Variants in SEC16A observed in about 807,000 individuals in gnomAD.
SEC16A encodes protein transport protein Sec16A.
SEC16A carries 110 observed loss-of-function variants against 221.9 expected under a neutral mutation model. That is an observed-to-expected ratio of 0.50 (90% CI 0.42 to 0.58). SEC16A has a LOEUF of 0.58. Ranked by LOEUF, SEC16A falls within the 20% of genes least tolerant of loss-of-function variation. SEC16A has a pLI of 0.00. For missense variants in SEC16A, 3,165 were observed against 3,097.8 expected, an observed-to-expected ratio of 1.02 and a Z score of -0.52; for synonymous variants, 1,393 against 1,257.7, an observed-to-expected ratio of 1.11 and a Z score of -2.28.
Position 136,442,446 on chromosome 9 carries a change from C to CA in SEC16A, c.7006-624dup, listed in dbSNP as rs1471278127. On this transcript the variant is annotated intron_variant, in intron 31 of 31. Coordinates refer to ENST00000684901, the MANE Select transcript of SEC16A (RefSeq NM_014866.2). ...GGCCCCAGCCCAGGAAGCCTGCAGT[C>CA]AAGAGTGTGTGAGGCTGTGAGGGCA... Among the ~76,000 whole-genome samples the CA allele has an allele frequency of 1.3e-5, 2 of 152,168 alleles. 1 individual carries two copies. The highest frequency in any genetic ancestry group is 4.8e-5 in the African/African-American group (2 of 41,436).
Position 136,474,737 on chromosome 9 carries a change from C to A in SEC16A, c.2879G>T (p.Gly960Val). ...ALPGFANSPA[G>V]STSVVLVPPA... ...TGGAACTAACACCACACTTGTGCTT[C>A]CAGCAGGGCTATTAGCAAATCCGGG... Residue 960 changes from glycine (G) to valine (V), a missense_variant, in exon 3 of 32, where the codon GGA (glycine) becomes GTA (valine). Gly to Val is a moderately radical substitution (Grantham distance 109). Coordinates refer to ENST00000684901, the MANE Select transcript of SEC16A (RefSeq NM_014866.2). 19 of 1,613,918 alleles carry A rather than the reference C, an allele frequency of 1.2e-5. No homozygotes were observed. Among genetic ancestry groups the A allele is most frequent in the Non-Finnish European group, 1.5e-5 (18 of 1,179,890 alleles).
In SEC16A at chr9:136,476,179, G is replaced by A; in HGVS notation, c.1437C>T (p.Asp479=). ...TGAACTGGTCACTCGGGGAGGAAGG[G>A]TCCAAATTGAGGGGCTCACTTGGCA... The part of the protein sequence containing the change: ...EVLPSEPLNL[D]PSSPSDQFRY... Residue 479 remains aspartate, a synonymous_variant, in exon 3 of 32, where the codon GAC becomes GAT. Coordinates refer to ENST00000684901, the MANE Select transcript of SEC16A (RefSeq NM_014866.2). The A allele has an allele frequency of 6.2e-7, 1 of 1,613,862 alleles. No individual in the cohort carries two copies.
At position 136,477,297 on chromosome 9, in the gene SEC16A, A is replaced by G. The variant is rs758794202; in HGVS notation, c.319T>C (p.Cys107Arg). The G allele has an allele frequency of 4.3e-6, 7 of 1,613,662 alleles. No homozygotes were observed. The African/African-American group carries it at 9.3e-5, about 22-fold the overall frequency. The part of the protein sequence containing the change: ...THARDSSQGP[C>R]EPLPGPLTQP... Reference sequence around the variant, plus strand: ...GTCAGAGGTCCAGGCAGGGGCTCACAGGGTCCCTGAGAGCTATCTCTGGCA... The same window carrying G: ...GTCAGAGGTCCAGGCAGGGGCTCACGGGGTCCCTGAGAGCTATCTCTGGCA... Residue 107 changes from cysteine (C) to arginine (R), a missense_variant, in exon 3 of 32, where the codon TGT (cysteine) becomes CGT (arginine). By Grantham distance (180) the Cys-to-Arg change is radical (BLOSUM62 -3). This residue lies in a region of SEC16A where 2,030 missense variants were observed against 1,923.1 expected (regional missense o/e 1.06). Coordinates refer to ENST00000684901, the MANE Select transcript of SEC16A (RefSeq NM_014866.2).
intron 22 of SEC16A, among the ~76,000 whole-genome samples, chr9:136,453,210 T>C (rs1435407828): frequency 6.6e-6 from 1 of 152,230 alleles, no homozygotes; most frequent in Non-Finnish European, 1.5e-5. Context: ...TTTACACTAC[T>C]GAATTCTCTC....
At position 136,460,086 on chromosome 9, in the gene SEC16A, T is replaced by C; in HGVS notation, c.5029A>G (p.Thr1677Ala). 2 of 1,608,052 alleles carry C rather than the reference T, an allele frequency of 1.2e-6. No individual in the cohort carries two copies. Among genetic ancestry groups the C allele is most frequent in the Non-Finnish European group, 1.7e-6 (2 of 1,177,308 alleles). The change falls in exon 14 of 32, where the codon ACA (threonine) becomes GCA (alanine). Residue 1677 changes from threonine (T) to alanine (A), a missense_variant. Around this residue, in one of 3 missense-constraint regions of SEC16A, gnomAD observed 1,088 missense variants for 1,089.6 expected, o/e 1.00. Coordinates refer to ENST00000684901, the MANE Select transcript of SEC16A (RefSeq NM_014866.2). ...CGTCCGGACATGAGCTGGTAGACTG[T>C]CTGCAGAGGGTCGTTGATTGGGAGG... ...NSLPINDPLQ[T>A]VYQLMSGRMP...
At chr9:136,471,018 A>G (rs546654086) in intron 4 of SEC16A, among the ~76,000 whole-genome samples, 5 of 152,108 alleles carry the variant, frequency 3.3e-5, no homozygotes, top group African/African-American at 7.2e-5. Flanking sequence ...AAAATCAACA[A>G]CAGCCTCCTC....
At position 136,475,937 on chromosome 9, in the gene SEC16A, C is replaced by T; in HGVS notation, c.1679G>A (p.Gly560Asp). 2 of 1,613,672 alleles carry T rather than the reference C, an allele frequency of 1.2e-6. No individual in the cohort carries two copies. The highest frequency in any genetic ancestry group is 1.7e-6 in the Non-Finnish European group (2 of 1,179,872). ...EVGKPEDEASGSFFKQIDSSP... is the reference protein window; with the variant it reads ...EVGKPEDEASDSFFKQIDSSP... The stretch of plus-strand genomic sequence containing the variant: ...AGAATCGATTTGCTTAAAAAAACTA[C>T]CTGAAGCTTCATCCTCGGGTTTTCC... Residue 560 changes from glycine to aspartate, a missense_variant, in exon 3 of 32, where the codon GGT becomes GAT. Gly to Asp is a moderately conservative substitution (Grantham distance 94). Coordinates refer to ENST00000684901, the MANE Select transcript of SEC16A (RefSeq NM_014866.2). This position sits in a 1 kb window ranked among gnomAD's most constrained non-coding sequence, Gnocchi z 5.0.
rs1048263793 is a variant in SEC16A, at chr9:136,466,478, G to C, written c.3930-16C>G. The C allele has an allele frequency of 1.3e-6, 2 of 1,586,278 alleles. No individual in the cohort carries two copies. Among genetic ancestry groups the C allele is most frequent in the Non-Finnish European group, 1.7e-6 (2 of 1,164,446 alleles). Reference sequence around the variant, plus strand: ...TTTCTCGGGCCTAGAGGAAGCCGGGGGACAGAGGCAGAGGAATGGGAGTGC... The same window carrying C: ...TTTCTCGGGCCTAGAGGAAGCCGGGCGACAGAGGCAGAGGAATGGGAGTGC... On this transcript the variant is annotated splice_polypyrimidine_tract_variant and intron_variant, in intron 6 of 31. Coordinates refer to ENST00000684901, the MANE Select transcript of SEC16A (RefSeq NM_014866.2). This position sits in a 1 kb window ranked among gnomAD's most constrained non-coding sequence, Gnocchi z 5.5.
intron 12 of SEC16A, among the ~76,000 whole-genome samples, chr9:136,462,560 T>G (rs1194115130): frequency 1.3e-5 from 2 of 152,244 alleles, no homozygotes; most frequent in African/African-American, 2.4e-5. Flanking sequence ...ATGCCACAAC[T>G]TGTGTCATGC....
chr9:136,460,043 G>C lies in SEC16A; in HGVS notation c.5072C>G (p.Thr1691Arg). 6.2e-7 allele frequency: 1 copy of C among 1,601,480 alleles called. No individual in the cohort carries two copies. The change falls in exon 14 of 32, where the codon ACG (threonine) becomes AGG (arginine). Residue 1691 changes from threonine to arginine, a missense_variant and splice_region_variant. Around this residue, in one of 3 missense-constraint regions of SEC16A, gnomAD observed 1,088 missense variants for 1,089.6 expected, o/e 1.00. Transcript: ENST00000684901. Reference protein sequence around the residue: ...LMSGRMPAASTCCGDEKWGDW... With the variant: ...LMSGRMPAASRCCGDEKWGDW... ...AAGCCACCAGGCAGTGCCACTCACC[G>C]TGGACGCGGCAGGCATCCGTCCGGA...
intron 30 of SEC16A, chr9:136,444,124 G>A (rs1319380128): frequency 1.9e-5 from 8 of 431,524 alleles, no homozygotes; most frequent in East Asian, 4.5e-5. Context: ...TTTAAGCACC[G>A]GAACATGCAA....
In SEC16A at chr9:136,451,271, C is replaced by T. The variant is rs754378226; in HGVS notation, c.6297G>A (p.Thr2099=). 27 of 1,611,878 alleles carry T rather than the reference C, an allele frequency of 1.7e-5. No individual in the cohort carries two copies. Among genetic ancestry groups the T allele is most frequent in the Admixed American group, 3.4e-5 (2 of 59,662 alleles). ...KRPGQAAKKE[T]KEPKKGESWF... ...GCTGTACTACCTTCTTAGGTTCCTT[C>T]GTTTCTTTCTTGGCTGCCTGTCCGG... Residue 2099 remains threonine, a synonymous_variant, in exon 23 of 32, where the codon ACG becomes ACA. Coordinates refer to ENST00000684901, the MANE Select transcript of SEC16A (RefSeq NM_014866.2).
In SEC16A at chr9:136,474,907, G is replaced by A; in HGVS notation, c.2709C>T (p.Ala903=). Residue 903 remains alanine, a synonymous_variant, in exon 3 of 32, where the codon GCC becomes GCT. Coordinates refer to ENST00000684901, the MANE Select transcript of SEC16A (RefSeq NM_014866.2). ...VLSLSLPSSV[A]QSNFPQGSGA... is the part of the protein sequence containing the mutation. ...CAGAACCTTGTGGAAAATTACTTTG[G>A]GCAACACTGCTAGGCAGAGACAAGC... The A allele has an allele frequency of 6.2e-7, 1 of 1,613,772 alleles. No individual in the cohort carries two copies. Among genetic ancestry groups the A allele is most frequent in the Non-Finnish European group, 8.5e-7 (1 of 1,179,878 alleles).
chr9:136,446,729 C>T (rs1452318247), intron 28 of SEC16A, 126 bp downstream of exon 28: 2 of 914,274 alleles, frequency 2.2e-6, no homozygotes, highest in Admixed American at 3.0e-5. Context: ...AAGTGTGAGG[C>T]GTTTAAGGCG....
Position 136,474,913 on chromosome 9 carries a change from A to C in SEC16A, c.2703T>G (p.Ser901Arg), listed in dbSNP as rs781261154. The part of the protein sequence containing the change: ...SSVLSLSLPS[S>R]VAQSNFPQGS... Reference sequence around the variant, plus strand: ...CTTGTGGAAAATTACTTTGGGCAACACTGCTAGGCAGAGACAAGCTAAGGA... The same window carrying C: ...CTTGTGGAAAATTACTTTGGGCAACCCTGCTAGGCAGAGACAAGCTAAGGA... The change falls in exon 3 of 32, where the codon AGT becomes AGG. Residue 901 changes from serine to arginine, a missense_variant. By Grantham distance (110) the Ser-to-Arg change is moderately radical. Transcript: ENST00000684901. The C allele has an allele frequency of 8.1e-6, 13 of 1,613,888 alleles. No homozygotes were observed. In the South Asian group the frequency reaches 1.4e-4, roughly 18 times the overall value.
intron 17 of SEC16A, among the ~76,000 whole-genome samples, chr9:136,458,456 A>G (rs1025140931): frequency 2.6e-5 from 4 of 151,672 alleles, no homozygotes; most frequent in Admixed American, 6.6e-5. Flanking sequence ...GTGAAACCCC[A>G]TCTCTACTAA....
chr9:136,470,756 A>C (rs1228595750), intron 4 of SEC16A, among the ~76,000 whole-genome samples: 1 of 152,226 alleles, frequency 6.6e-6, no homozygotes, highest in Non-Finnish European at 1.5e-5. Flanking sequence ...GCTCCTAAAA[A>C]CCTCTAATAA....
Position 136,463,498 on chromosome 9 carries a change from A to G in SEC16A, c.4612T>C (p.Trp1538Arg). Residue 1538 changes from tryptophan to arginine, a missense_variant, in exon 11 of 32, where the codon TGG (tryptophan) becomes CGG (arginine). Physicochemically the swap from Trp to Arg is moderately radical, Grantham distance 101 (BLOSUM62 -3). Around this residue, in one of 3 missense-constraint regions of SEC16A, gnomAD observed 1,088 missense variants for 1,089.6 expected, o/e 1.00. Transcript: ENST00000684901. Reference protein sequence around the residue: ...LIDKESASLLWNFIVLLCRQN... With the variant: ...LIDKESASLLRNFIVLLCRQN... ...CTGCATAAGAGAACAATAAAATTCC[A>G]AAGAAGACTTGCAGACTCTTTGTCA... 1 of 1,613,940 alleles carries G rather than the reference A, an allele frequency of 6.2e-7. No homozygotes were observed. The highest frequency in any genetic ancestry group is 8.5e-7 in the Non-Finnish European group (1 of 1,179,870).
At position 136,466,148 on chromosome 9, in the gene SEC16A, A is replaced by C. The variant is rs751624710; in HGVS notation, c.4129-12T>G. On this transcript the variant is annotated splice_polypyrimidine_tract_variant and intron_variant, in intron 7 of 31. Transcript: ENST00000684901. This position sits in a 1 kb window ranked among gnomAD's most constrained non-coding sequence, Gnocchi z 5.5. ...CTGTAAATCTGACTCTTAGAAAACAAAGCAAACGGGCAAAATCAATTCCCC... is the reference window on the plus strand; with the variant it reads ...CTGTAAATCTGACTCTTAGAAAACACAGCAAACGGGCAAAATCAATTCCCC... 3.8e-6 allele frequency: 6 copies of C among 1,579,826 alleles called. No individual in the cohort carries two copies. The African/African-American group carries it at 8.1e-5, about 21-fold the overall frequency.
Sources: gnomAD v4.1 joint callset for allele counts (sites outside exome capture counted in the v4.1 genomes callset) on GRCh38, gnomAD v4.1.1 for gene constraint, gnomAD v4.1.1 regional missense constraint, Gnocchi (gnomAD v3.1) non-coding constraint, MANE v1.5 for transcripts, NCBI Gene and HGNC (gene_info 2026-07-23, HGNC 2026-07-21) for gene names.